The following STK32B variants were observed in gnomAD, a reference collection of about 807,000 sequenced individuals.
The protein encoded by STK32B is serine/threonine-protein kinase 32B.
A neutral mutation model predicts 52.6 loss-of-function variants in STK32B; 43 were observed. The ratio of observed to expected loss-of-function variants is 0.82; its 90% CI spans 0.64 to 1.05. STK32B has a LOEUF of 1.05. STK32B is among the 50% of genes least tolerant of loss of function. The pLI, the probability that STK32B is intolerant of heterozygous loss-of-function variation, is 0.00. For synonymous variants in STK32B, 238 were observed against 204.3 expected, an observed-to-expected ratio of 1.17 and a Z score of -1.41; for missense variants, 621 against 534.6, an observed-to-expected ratio of 1.16 and a Z score of -1.59.
intron 10 of STK32B, 110 bp downstream of exon 10, chr4:5,466,944 AT>A (rs1463924042): frequency 1.4e-6 from 2 of 1,386,984 alleles, no homozygotes; most frequent in African/African-American, 1.5e-5. Flanking sequence ...CTCCCTTCCA[AT>A]TTCCTTATTT....
intron 3 of STK32B, among the ~76,000 whole-genome samples, chr4:5,172,695 G>T (rs566985255): frequency 6.6e-6 from 1 of 152,134 alleles, no homozygotes; most frequent in Non-Finnish European, 1.5e-5. Context: ...TTGATGTGCT[G>T]CTGGATTCGG....
intron 3 of STK32B, among the ~76,000 whole-genome samples, chr4:5,311,678 C>G (rs1173071264): frequency 6.6e-6 from 1 of 151,980 alleles, no homozygotes; most frequent in Admixed American, 6.6e-5. Context: ...ATTTTGATAG[C>G]TTAGAAGAAA....
chr4:5,066,143 T>C (rs950025337), intron 1 of STK32B, among the ~76,000 whole-genome samples: 1 of 152,214 alleles, frequency 6.6e-6, no homozygotes, highest in East Asian at 1.9e-4. Flanking sequence ...TCAACACAAC[T>C]TCACCAAACT....
chr4:5,496,360 G>A lies in STK32B; in HGVS notation c.1107-2585G>A, dbSNP rs142799262. Reference sequence around the variant, plus strand: ...CTGTGCTAGCAATCAGCGAGACTCCGTGGGCATAGGACCCTCCGAGCCAGG... The same window carrying A: ...CTGTGCTAGCAATCAGCGAGACTCCATGGGCATAGGACCCTCCGAGCCAGG... On this transcript the variant is annotated intron_variant, in intron 11 of 11. Transcript: ENST00000282908. 2.0e-4 allele frequency among the ~76,000 whole-genome samples: 31 copies of A among 152,308 alleles called. No homozygotes were observed. In the East Asian group the frequency reaches 2.5e-3, roughly 12 times the overall value.
chr4:5,416,737 G>T, intron 5 of STK32B, 108 bp from the exon 6 acceptor site: 1 of 775,672 alleles, frequency 1.3e-6, no homozygotes, highest in Non-Finnish European at 2.1e-6. Flanking sequence ...ATTATAAATA[G>T]AAGTTCTAAT....
At position 5,380,085 on chromosome 4, in the gene STK32B, T is replaced by C. The variant is rs1735842947; in HGVS notation, c.435-18122T>C. 6.6e-6 allele frequency among the ~76,000 whole-genome samples: 1 copy of C among 152,120 alleles called. No individual in the cohort carries two copies. Among genetic ancestry groups the C allele is most frequent in the Non-Finnish European group, 1.5e-5 (1 of 68,016 alleles). On this transcript the variant is annotated intron_variant, in intron 4 of 11. Coordinates refer to ENST00000282908, the MANE Select transcript of STK32B (RefSeq NM_018401.3). This position sits in a 1 kb window ranked among gnomAD's most constrained non-coding sequence, Gnocchi z 4.3. ...GGGGCTATGCTCACTGTGCAGAGCA[T>C]CTCCCCAGCCCACTGCTTGCTTCTC...
At chr4:5,381,926 T>G (rs1162363034) in intron 4 of STK32B, among the ~76,000 whole-genome samples, 1 of 152,120 alleles carries the variant, frequency 6.6e-6, no homozygotes, top group African/African-American at 2.4e-5. Context: ...AGAAATTGGC[T>G]TATGCGATCA....
intron 4 of STK32B, among the ~76,000 whole-genome samples, chr4:5,379,821 G>C (rs12643237): frequency 0.24 from 37,190 of 152,036 alleles, 5,305 homozygotes; most frequent in African/African-American, 0.41. Context: ...TGGTGAGAAA[G>C]AAAAGTCTGT....
chr4:5,335,344 T>G (rs557946312), intron 4 of STK32B, among the ~76,000 whole-genome samples: 1 of 152,180 alleles, frequency 6.6e-6, no homozygotes, highest in East Asian at 1.9e-4. Flanking sequence ...CATTTTTTAT[T>G]GCATCTATTT....
intron 1 of STK32B, among the ~76,000 whole-genome samples, chr4:5,094,163 T>C (rs1713254560): frequency 1.3e-5 from 2 of 152,112 alleles, no homozygotes; most frequent in Admixed American, 1.3e-4. Flanking sequence ...CCATAGAGTG[T>C]AATGATTCAA....
chr4:5,203,389 T>G (rs4688918), intron 3 of STK32B, among the ~76,000 whole-genome samples: 81,871 of 151,982 alleles, frequency 0.54, 24,733 homozygotes, highest in East Asian at 0.75. Flanking sequence ...ATGCAGCTCT[T>G]TCCCCTCCAC....
At chr4:5,170,721 T>A (rs1389232784) in intron 3 of STK32B, among the ~76,000 whole-genome samples, 1 of 152,204 alleles carries the variant, frequency 6.6e-6, no homozygotes, top group Non-Finnish European at 1.5e-5. Context: ...GTTGGACATT[T>A]GGGTTGGTTC....
At chr4:5,468,477 A>G (rs1717608176) in intron 11 of STK32B, among the ~76,000 whole-genome samples, 1 of 152,218 alleles carries the variant, frequency 6.6e-6, no homozygotes, top group African/African-American at 2.4e-5. Flanking sequence ...GCATCAGCCC[A>G]GTGGAGAGGC....
chr4:5,030,102 G>A, the STK32B span, among the ~76,000 whole-genome samples: 1 of 152,296 alleles, frequency 6.6e-6, no homozygotes, highest in East Asian at 1.9e-4. Context: ...GTGAGTCAGT[G>A]AAACCTCTTT....
intron 1 of STK32B, among the ~76,000 whole-genome samples, chr4:5,110,425 A>G (rs546813451): frequency 2.1e-4 from 32 of 152,322 alleles, no homozygotes; most frequent in East Asian, 1.2e-3. Flanking sequence ...ACATGTATCA[A>G]TGGAATGGAG....
chr4:5,275,047 G>C (rs60356847), intron 3 of STK32B, among the ~76,000 whole-genome samples: 30,952 of 152,010 alleles, frequency 0.2, 6,606 homozygotes, highest in African/African-American at 0.54. Context: ...CACTCACTGC[G>C]TGGCCCAAGA....
chr4:5,180,214 C>T (rs1256891456), intron 3 of STK32B, among the ~76,000 whole-genome samples: 1 of 152,238 alleles, frequency 6.6e-6, no homozygotes, highest in Non-Finnish European at 1.5e-5. Context: ...AGTTTGCTAT[C>T]TTGCCTGAAC....
At chr4:5,213,552 G>A (rs1378631405) in intron 3 of STK32B, among the ~76,000 whole-genome samples, 3 of 152,214 alleles carry the variant, frequency 2.0e-5, no homozygotes, top group South Asian at 2.1e-4. Flanking sequence ...TTTATTACTG[G>A]TGAAGAGGTT....
chr4:5,123,928 G>A (rs536176369), intron 1 of STK32B, among the ~76,000 whole-genome samples: 2 of 152,056 alleles, frequency 1.3e-5, no homozygotes, highest in Admixed American at 1.3e-4. Flanking sequence ...GCCTTTTATT[G>A]ATCACTTAGT....
Sources: gnomAD v4.1 joint callset for allele counts (sites outside exome capture counted in the v4.1 genomes callset) on GRCh38, gnomAD v4.1.1 for gene constraint, Gnocchi (gnomAD v3.1) non-coding constraint, MANE v1.5 for transcripts, NCBI Gene and HGNC (gene_info 2026-07-23, HGNC 2026-07-21) for gene names.